GALNTL6: variants seen among roughly 807,000 people sequenced by gnomAD.
The protein encoded by GALNTL6 is polypeptide N-acetylgalactosaminyltransferase like 6.
In GALNTL6, 46 loss-of-function variants were observed where a neutral mutation model predicts 73.7. The ratio of observed to expected loss-of-function variants is 0.62; its 90% CI spans 0.49 to 0.80. The LOEUF is 0.80. Among genes scored for constraint, GALNTL6 ranks in the 30% least tolerant of loss-of-function variants. The pLI is 0.00. For synonymous variants in GALNTL6, 259 were observed against 263.7 expected (o/e 0.98, Z 0.17); for missense variants, 604 against 755.0 (o/e 0.80, Z 2.34).
chr4:173,030,785 A>G (rs1000526533), intron 12 of GALNTL6, among the ~76,000 whole-genome samples: 1 of 150,714 alleles, frequency 6.6e-6, no homozygotes, highest in Non-Finnish European at 1.5e-5. Flanking sequence ...AGATCATTAG[A>G]GCCCAGGAGC....
At position 172,190,743 on chromosome 4, in the gene GALNTL6, T is replaced by C. The variant is rs559450799; in HGVS notation, c.139-38913T>C. Among the ~76,000 whole-genome samples the C allele has an allele frequency of 3.3e-5, 5 of 152,320 alleles. No individual in the cohort carries two copies. In the East Asian group the frequency reaches 9.6e-4, roughly 29 times the overall value. Reference sequence around the variant, plus strand: ...ACAAAAAGCCATGTTTATTTAGTTTTAAGGAAGTGGAGAGCATGATCAGAT... The same window carrying C: ...ACAAAAAGCCATGTTTATTTAGTTTCAAGGAAGTGGAGAGCATGATCAGAT... On this transcript the variant is annotated intron_variant, in intron 2 of 12. Transcript: ENST00000506823.
At chr4:172,153,270 C>G (rs886498258) in intron 2 of GALNTL6, among the ~76,000 whole-genome samples, 8 of 152,114 alleles carry the variant, frequency 5.3e-5, no homozygotes, top group Admixed American at 2.0e-4. Flanking sequence ...AAGAAGGCCT[C>G]TTACAAGTCT....
intron 9 of GALNTL6, among the ~76,000 whole-genome samples, chr4:172,945,420 T>C (rs1169368960): frequency 6.6e-6 from 1 of 152,254 alleles, no homozygotes; most frequent in Non-Finnish European, 1.5e-5. Flanking sequence ...TCACTTTAAA[T>C]ATGAGCAGTT....
intron 2 of GALNTL6, among the ~76,000 whole-genome samples, chr4:171,834,105 A>G (rs1261507821): frequency 6.6e-6 from 1 of 151,962 alleles, no homozygotes; most frequent in Non-Finnish European, 1.5e-5. Context: ...TTGGGATAAC[A>G]TTTGGAAACC....
intron 7 of GALNTL6, among the ~76,000 whole-genome samples, chr4:172,825,089 TC>T: frequency 8.9e-6 from 1 of 112,392 alleles, no homozygotes; most frequent in Non-Finnish European, 1.7e-5. Context: ...TTTCTTTCTT[TC>T]TTTCTTTCTT....
chr4:172,220,453 A>C (rs836307), intron 2 of GALNTL6, among the ~76,000 whole-genome samples: 66,672 of 151,446 alleles, frequency 0.44, 16,821 homozygotes, highest in East Asian at 0.78. Context: ...CAGCACTAAA[A>C]TACTGGTGCT....
At chr4:172,231,928 A>G (rs1274677976) in intron 3 of GALNTL6, among the ~76,000 whole-genome samples, 1 of 152,132 alleles carries the variant, frequency 6.6e-6, no homozygotes, top group Admixed American at 6.5e-5. Context: ...GGGAAAATTG[A>G]TCACAAAAGA....
At chr4:172,184,315 C>T (rs943844944) in intron 2 of GALNTL6, among the ~76,000 whole-genome samples, 1 of 152,136 alleles carries the variant, frequency 6.6e-6, no homozygotes, top group African/African-American at 2.4e-5. Context: ...CACCTTAGCC[C>T]AATCCCACAT....
At chr4:172,807,891 C>G (rs1051988972) in intron 5 of GALNTL6, among the ~76,000 whole-genome samples, 1 of 152,170 alleles carries the variant, frequency 6.6e-6, no homozygotes, top group Admixed American at 6.5e-5. Context: ...GGTGCGATCT[C>G]AGCTCACTGC....
intron 4 of GALNTL6, among the ~76,000 whole-genome samples, chr4:172,341,844 C>G (rs1038661648): frequency 6.6e-6 from 1 of 152,100 alleles, no homozygotes; most frequent in Non-Finnish European, 1.5e-5. Context: ...TTATCAGCAC[C>G]ATGAAAACAG....
At chr4:172,093,771 T>G (rs968078044) in intron 2 of GALNTL6, among the ~76,000 whole-genome samples, 1 of 152,208 alleles carries the variant, frequency 6.6e-6, no homozygotes, top group Admixed American at 6.5e-5. Flanking sequence ...GCACACTCCT[T>G]GTGAGAAGAT....
intron 5 of GALNTL6, among the ~76,000 whole-genome samples, chr4:172,691,690 C>A (rs978537331): frequency 8.5e-5 from 13 of 152,206 alleles, no homozygotes; most frequent in African/African-American, 3.1e-4. Context: ...AAGGCCACCA[C>A]TTCTTCCTCT....
intron 2 of GALNTL6, among the ~76,000 whole-genome samples, chr4:171,965,236 A>C (rs1022248523): frequency 6.6e-6 from 1 of 152,206 alleles, no homozygotes; most frequent in African/African-American, 2.4e-5. Flanking sequence ...TTGCATTTTG[A>C]TCATTAGTAT....
chr4:172,476,994 G>A lies in GALNTL6; in HGVS notation c.553+128305G>A, dbSNP rs181052711. ...GGCTAGAGTGCAGTGGCACGATCTC[G>A]GCTCACTGCAAGCTCCGCCTCCCGG... On this transcript the variant is annotated intron_variant, in intron 5 of 12. Transcript: ENST00000506823. Among the ~76,000 whole-genome samples the A allele has an allele frequency of 2.8e-3, 408 of 146,506 alleles. 1 individual carries two copies. The highest frequency in any genetic ancestry group is 9.8e-3 in the African/African-American group (385 of 39,382).
intron 7 of GALNTL6, among the ~76,000 whole-genome samples, chr4:172,866,304 G>A (rs983033983): frequency 6.6e-5 from 10 of 152,210 alleles, no homozygotes; most frequent in African/African-American, 2.4e-4. Context: ...GAGGAAAGAG[G>A]TGGGGAGAAA....
chr4:172,394,536 A>G (rs768270751), intron 5 of GALNTL6, among the ~76,000 whole-genome samples: 65 of 143,800 alleles, frequency 4.5e-4, no homozygotes, highest in Middle Eastern at 7.2e-3. Context: ...GGTTCAAGGG[A>G]TTCTCCTGCT....
At chr4:172,416,289 T>C (rs956024549) in intron 5 of GALNTL6, among the ~76,000 whole-genome samples, 2 of 152,200 alleles carry the variant, frequency 1.3e-5, no homozygotes, top group Admixed American at 1.3e-4. Context: ...ATTTCTGAAT[T>C]GTCAAGGAAT....
chr4:171,951,603 A>T (rs1738880163), intron 2 of GALNTL6, among the ~76,000 whole-genome samples: 2 of 13,940 alleles, frequency 1.4e-4, no homozygotes, highest in South Asian at 0.062. Flanking sequence ...ATAATATATA[A>T]TTAAGCACTT....
At chr4:172,031,388 G>A (rs1344786852) in intron 2 of GALNTL6, among the ~76,000 whole-genome samples, 1 of 152,004 alleles carries the variant, frequency 6.6e-6, no homozygotes, top group Non-Finnish European at 1.5e-5. Flanking sequence ...GATAGAAAAA[G>A]GTTTTAGAAT....
Sources: gnomAD v4.1 joint callset for allele counts (sites outside exome capture counted in the v4.1 genomes callset) on GRCh38, gnomAD v4.1.1 for gene constraint, MANE v1.5 for transcripts, NCBI Gene and HGNC (gene_info 2026-07-23, HGNC 2026-07-21) for gene names.